ARID1B: variants seen among roughly 807,000 people sequenced by gnomAD.
ARID1B encodes AT-rich interactive domain-containing protein 1B.
In ARID1B, 30 loss-of-function variants were observed where a neutral mutation model predicts 212.3. The ratio of observed to expected loss-of-function variants is 0.14; its 90% CI spans 0.11 to 0.19. ARID1B has a LOEUF of 0.19. Among genes scored for constraint, ARID1B ranks in the 10% least tolerant of loss-of-function variants. The pLI is 1.00. For synonymous variants in ARID1B, 1,402 were observed against 1,301.7 expected (o/e 1.08, Z -1.66); for missense variants, 2,891 against 3,204.0 (o/e 0.90, Z 2.36).
intron 2 of ARID1B, among the ~76,000 whole-genome samples, chr6:156,878,488 A>AT: frequency 6.6e-6 from 1 of 152,268 alleles, no homozygotes; most frequent in East Asian, 1.9e-4. Flanking sequence ...GAAATTGGGT[A>AT]TTGCTGTGTG....
At chr6:156,904,089 A>C (rs1381645026) in intron 3 of ARID1B, among the ~76,000 whole-genome samples, 2 of 152,168 alleles carry the variant, frequency 1.3e-5, no homozygotes, top group Non-Finnish European at 2.9e-5. Flanking sequence ...TGCCCATGTC[A>C]CCACCCCCGT....
chr6:156,825,012 C>G (rs1431019546), intron 1 of ARID1B, among the ~76,000 whole-genome samples: 4 of 151,890 alleles, frequency 2.6e-5, no homozygotes, highest in Admixed American at 2.6e-4. Flanking sequence ...TTACAGGTGC[C>G]CGCCACCATG....
intron 2 of ARID1B, among the ~76,000 whole-genome samples, chr6:156,833,851 C>T (rs1298380831): frequency 6.6e-6 from 1 of 152,074 alleles, no homozygotes; most frequent in Non-Finnish European, 1.5e-5. Flanking sequence ...ATATTTATTT[C>T]AGAACATAAG....
intron 7 of ARID1B, among the ~76,000 whole-genome samples, chr6:157,133,582 C>G (rs11964282): frequency 0.058 from 8,808 of 152,244 alleles, 896 homozygotes; most frequent in African/African-American, 0.2. Flanking sequence ...CTGGTTTGGC[C>G]CATCCCTCTT....
At chr6:157,135,423 A>G (rs1788841783) in intron 7 of ARID1B, among the ~76,000 whole-genome samples, 1 of 152,180 alleles carries the variant, frequency 6.6e-6, no homozygotes, top group South Asian at 2.1e-4. Context: ...TTAATAGTAG[A>G]AACGATCTGA....
intron 6 of ARID1B, among the ~76,000 whole-genome samples, chr6:157,117,298 A>G (rs1286135334): frequency 1.3e-5 from 2 of 152,172 alleles, no homozygotes; most frequent in South Asian, 2.1e-4. Flanking sequence ...TCATTATTCA[A>G]TATGTCTTCA....
chr6:156,785,514 T>G (rs949177305), intron 1 of ARID1B, among the ~76,000 whole-genome samples: 1 of 150,384 alleles, frequency 6.6e-6, no homozygotes, highest in African/African-American at 2.5e-5. Context: ...GCTAAAAAAT[T>G]AAATATATGG....
chr6:156,851,885 C>T (rs1784602522), intron 2 of ARID1B, among the ~76,000 whole-genome samples: 1 of 152,300 alleles, frequency 6.6e-6, no homozygotes, highest in African/African-American at 2.4e-5. Flanking sequence ...AAATTGATCC[C>T]TGTGGACTGT....
At chr6:156,848,763 G>A (rs1353717969) in intron 2 of ARID1B, among the ~76,000 whole-genome samples, 2 of 152,208 alleles carry the variant, frequency 1.3e-5, no homozygotes, top group East Asian at 3.8e-4. Flanking sequence ...CTTAGCATGA[G>A]GGGAGGTGCC....
At chr6:157,052,929 A>T (rs1782702257) in intron 4 of ARID1B, among the ~76,000 whole-genome samples, 1 of 151,950 alleles carries the variant, frequency 6.6e-6, no homozygotes. Context: ...CATGTTGGCC[A>T]GTATTGTCTC....
In ARID1B at chr6:157,210,502, G is replaced by A. The variant is rs185343380; in HGVS notation, c.*2611G>A. ...CCTGATGCGCAACACAGTCTCTAGA[G>A]ACTAATCCAGGAAGACTTTAGCCTC... is the stretch of plus-strand genomic sequence containing the variant. On this transcript the variant is annotated 3_prime_UTR_variant, in exon 20 of 20. Coordinates refer to ENST00000636930, the MANE Select transcript of ARID1B (RefSeq NM_001374828.1). 8.6e-6 allele frequency: 2 copies of A among 232,436 alleles called. No individual in the cohort carries two copies. Among genetic ancestry groups the A allele is most frequent in the African/African-American group, 2.2e-5 (1 of 45,398 alleles). 14.4% of individuals were successfully genotyped at this position (232,436 alleles called of 1,614,324 possible). A position where few individuals can be genotyped will look rare whatever the true frequency, so the allele number is the denominator to read the frequency against.
intron 4 of ARID1B, among the ~76,000 whole-genome samples, chr6:157,050,523 G>A (rs1977129): frequency 0.27 from 40,824 of 152,044 alleles, 5,902 homozygotes; most frequent in Non-Finnish European, 0.32. Flanking sequence ...CAGCCTGGGC[G>A]ACAGAGCGAG....
chr6:156,861,920 G>A (rs1295113338), intron 2 of ARID1B, among the ~76,000 whole-genome samples: 1 of 152,190 alleles, frequency 6.6e-6, no homozygotes, highest in Non-Finnish European at 1.5e-5. Flanking sequence ...AGGTAGGACT[G>A]ACCCAAAGGG....
chr6:157,073,817 G>A (rs904112921), intron 4 of ARID1B, among the ~76,000 whole-genome samples: 1 of 152,178 alleles, frequency 6.6e-6, no homozygotes, highest in Non-Finnish European at 1.5e-5. Flanking sequence ...AGTATTTAAC[G>A]AGCACAGATC....
At chr6:156,800,743 C>G (rs1425400000) in intron 1 of ARID1B, among the ~76,000 whole-genome samples, 1 of 151,774 alleles carries the variant, frequency 6.6e-6, no homozygotes, top group African/African-American at 2.4e-5. Flanking sequence ...CCCGTCTCTA[C>G]AAAAAATTAA....
intron 4 of ARID1B, among the ~76,000 whole-genome samples, chr6:156,966,231 A>G (rs926381894): frequency 6.6e-6 from 1 of 152,198 alleles, no homozygotes; most frequent in African/African-American, 2.4e-5. Flanking sequence ...TAATACTTCA[A>G]TGGTATATCG....
intron 4 of ARID1B, among the ~76,000 whole-genome samples, chr6:156,945,370 T>C (rs1562501939): frequency 6.7e-6 from 1 of 148,952 alleles, no homozygotes; most frequent in Non-Finnish European, 1.5e-5. Context: ...GAGCACAAAA[T>C]GGTATGCACT....
chr6:156,950,902 T>G (rs1793536587), intron 4 of ARID1B, among the ~76,000 whole-genome samples: 1 of 152,172 alleles, frequency 6.6e-6, no homozygotes. Context: ...AATAAAAATG[T>G]ATGAAGTATA....
intron 7 of ARID1B, among the ~76,000 whole-genome samples, chr6:157,136,324 A>C (rs1788905444): frequency 6.6e-6 from 1 of 152,158 alleles, no homozygotes; most frequent in Admixed American, 6.5e-5. Context: ...CAAAGCCTTG[A>C]GAAATTTAAT....
Sources: gnomAD v4.1 joint callset for allele counts (sites outside exome capture counted in the v4.1 genomes callset) on GRCh38, gnomAD v4.1.1 for gene constraint, MANE v1.5 for transcripts, NCBI Gene and HGNC (gene_info 2026-07-23, HGNC 2026-07-21) for gene names.